RNLS: variants seen among roughly 807,000 people sequenced by gnomAD.
RNLS encodes the protein renalase, FAD dependent amine oxidase.
RNLS carries 39 observed loss-of-function variants against 39.8 expected under a neutral mutation model. The ratio of observed to expected loss-of-function variants is 0.98; its 90% CI spans 0.76 to 1.28. The LOEUF (loss-of-function observed/expected upper bound fraction) is 1.28. Ranked by LOEUF, RNLS falls within the 50% of genes most tolerant of loss-of-function variation. RNLS has a pLI of 0.00. For missense variants in RNLS, 410 were observed against 413.3 expected, an observed-to-expected ratio of 0.99 and a Z score of 0.07; for synonymous variants, 147 against 150.7, an observed-to-expected ratio of 0.98 and a Z score of 0.18.
intron 4 of RNLS, among the ~76,000 whole-genome samples, chr10:88,537,650 A>T (rs1188391601): frequency 2.0e-5 from 3 of 152,152 alleles, no homozygotes; most frequent in African/African-American, 7.2e-5. Flanking sequence ...AAACAGGCAA[A>T]AAAAACAATC....
chr10:88,582,640 G>C (rs958465422), intron 1 of RNLS, among the ~76,000 whole-genome samples: 1 of 152,228 alleles, frequency 6.6e-6, no homozygotes, highest in Non-Finnish European at 1.5e-5. Flanking sequence ...CTGCAAACTA[G>C]ATCTTCAGAA....
At chr10:88,348,831 G>C (rs1045579404) in intron 5 of RNLS, among the ~76,000 whole-genome samples, 1 of 152,096 alleles carries the variant, frequency 6.6e-6, no homozygotes, top group South Asian at 2.1e-4. Context: ...TCCTTTGAAA[G>C]CTCATAATAT....
intron 4 of RNLS, among the ~76,000 whole-genome samples, chr10:88,517,575 T>C (rs1310371605): frequency 2.0e-5 from 3 of 152,034 alleles, no homozygotes; most frequent in East Asian, 1.9e-4. Flanking sequence ...ACATAACGGT[T>C]GATAAATTTT....
intron 4 of RNLS, among the ~76,000 whole-genome samples, chr10:88,398,254 T>A (rs2085940993): frequency 6.6e-6 from 1 of 152,064 alleles, no homozygotes; most frequent in South Asian, 2.1e-4. Flanking sequence ...TTAACTGTAA[T>A]TTTTGTGAAA....
chr10:88,505,256 G>A (rs1437542797), intron 4 of RNLS, among the ~76,000 whole-genome samples: 3 of 151,416 alleles, frequency 2.0e-5, no homozygotes, highest in Non-Finnish European at 4.4e-5. Context: ...AAGGACACAG[G>A]AGAGGTTCTC....
At chr10:88,575,702 T>C (rs1364925400) in intron 3 of RNLS, among the ~76,000 whole-genome samples, 1 of 152,038 alleles carries the variant, frequency 6.6e-6, no homozygotes, top group Non-Finnish European at 1.5e-5. Context: ...AAACCCAATT[T>C]TAAAATGGAT....
chr10:88,444,759 G>T (rs1192490816), intron 4 of RNLS, among the ~76,000 whole-genome samples: 1 of 152,172 alleles, frequency 6.6e-6, no homozygotes, highest in African/African-American at 2.4e-5. Flanking sequence ...AGCAAGAAGA[G>T]AAGTTTAGAG....
At chr10:88,241,011 T>C in the RNLS span, among the ~76,000 whole-genome samples, 1 of 150,862 alleles carries the variant, frequency 6.6e-6, no homozygotes, top group Non-Finnish European at 1.5e-5. Flanking sequence ...TTATGTTAAA[T>C]TCTTACATGA....
At chr10:88,458,601 T>G (rs1192614790) in intron 4 of RNLS, among the ~76,000 whole-genome samples, 5 of 152,222 alleles carry the variant, frequency 3.3e-5, no homozygotes, top group East Asian at 3.8e-4. Context: ...TGGTTAATTT[T>G]CTTTTTCTAT....
At chr10:88,417,651 G>A (rs1854116581) in intron 4 of RNLS, among the ~76,000 whole-genome samples, 1 of 152,054 alleles carries the variant, frequency 6.6e-6, no homozygotes, top group Non-Finnish European at 1.5e-5. Context: ...TGAAATATGA[G>A]CCATAGCCCT....
chr10:88,382,567 G>T (rs2133527875), intron 4 of RNLS, among the ~76,000 whole-genome samples: 1 of 152,236 alleles, frequency 6.6e-6, no homozygotes, highest in East Asian at 1.9e-4. Flanking sequence ...AATTGTGTTT[G>T]ATTATAGCAG....
chr10:88,524,917 A>C (rs1405270140), intron 4 of RNLS, among the ~76,000 whole-genome samples: 1 of 141,238 alleles, frequency 7.1e-6, no homozygotes. Context: ...GGATCATTTA[A>C]ACTCCATGTA....
At chr10:88,421,292 C>T (rs1428020495) in intron 4 of RNLS, among the ~76,000 whole-genome samples, 1 of 152,146 alleles carries the variant, frequency 6.6e-6, no homozygotes, top group Non-Finnish European at 1.5e-5. Flanking sequence ...TGTGTAAAGC[C>T]CTACTCATAG....
chr10:88,472,881 T>C (rs1843623256), intron 4 of RNLS, among the ~76,000 whole-genome samples: 1 of 152,202 alleles, frequency 6.6e-6, no homozygotes, highest in African/African-American at 2.4e-5. Flanking sequence ...AAATTCTCTG[T>C]TAATTATGGG....
chr10:88,510,902 A>G (rs1589927011), intron 4 of RNLS, among the ~76,000 whole-genome samples: 1 of 150,994 alleles, frequency 6.6e-6, no homozygotes, highest in African/African-American at 2.4e-5. Flanking sequence ...TTTATAATAT[A>G]AAATACTAAT....
intron 6 of RNLS, among the ~76,000 whole-genome samples, chr10:88,277,277 A>G (rs959926090): frequency 3.9e-5 from 6 of 152,104 alleles, no homozygotes; most frequent in Admixed American, 3.3e-4. Flanking sequence ...TTGAACAATA[A>G]GAACACTTGG....
intron 4 of RNLS, among the ~76,000 whole-genome samples, chr10:88,381,702 A>G (rs1374597456): frequency 6.6e-6 from 1 of 152,008 alleles, no homozygotes; most frequent in Non-Finnish European, 1.5e-5. Context: ...AGTACAAATT[A>G]TATATCACTT....
chr10:88,235,267 C>CAA, the RNLS span, among the ~76,000 whole-genome samples: 1,218 of 61,670 alleles, frequency 0.02, 75 homozygotes, highest in Middle Eastern at 0.025. Flanking sequence ...GACTCTATCT[C>CAA]AAAAAAAAAA....
rs1169541120 is a variant in RNLS at position 88,554,050 on chromosome 10, T to C, written c.526+18853A>G. ...TTTCCTTTTTTTATAAAAATATATA[T>C]GGAAAGATTCAAAATTAGTTGTCAG... On this transcript the variant is annotated intron_variant, in intron 4 of 6. Coordinates refer to ENST00000331772, the MANE Select transcript of RNLS (RefSeq NM_001031709.3). Among the ~76,000 whole-genome samples, 5 of 152,194 alleles carry C rather than the reference T, an allele frequency of 3.3e-5. 1 individual carries two copies. The highest frequency in any genetic ancestry group is 4.1e-4 in the South Asian group (2 of 4,828).
Sources: gnomAD v4.1 joint callset for allele counts (sites outside exome capture counted in the v4.1 genomes callset) on GRCh38, gnomAD v4.1.1 for gene constraint, MANE v1.5 for transcripts, NCBI Gene and HGNC (gene_info 2026-07-23, HGNC 2026-07-21) for gene names.